BCAS3: variants seen among roughly 807,000 people sequenced by gnomAD.
BCAS3 encodes the protein BCAS3 microtubule associated cell migration factor, also known as BCAS4/BCAS3 fusion.
A neutral mutation model predicts 116.1 loss-of-function variants in BCAS3; 53 were observed. The ratio of observed to expected loss-of-function variants is 0.46; its 90% confidence interval spans 0.37 to 0.57. BCAS3 has a LOEUF of 0.57. BCAS3 is among the 20% of genes least tolerant of loss of function. The pLI is 0.00. For synonymous variants in BCAS3, 391 were observed against 408.2 expected (o/e 0.96, Z 0.51); for missense variants, 917 against 1,165.4 (o/e 0.79, Z 3.10).
intron 22 of BCAS3, among the ~76,000 whole-genome samples, chr17:61,164,256 G>A (rs2078349265): frequency 6.6e-6 from 1 of 151,976 alleles, no homozygotes; most frequent in South Asian, 2.1e-4. Context: ...TATGTTCAGG[G>A]TAGTTTTTTA....
At chr17:61,039,437 TC>T (rs1264966847) in intron 18 of BCAS3, among the ~76,000 whole-genome samples, 9 of 152,204 alleles carry the variant, frequency 5.9e-5, no homozygotes, top group African/African-American at 1.9e-4. Context: ...TTTTTTTTTT[TC>T]CTGAGATGGA....
chr17:60,817,226 T>A (rs1170174094), intron 7 of BCAS3, among the ~76,000 whole-genome samples: 5 of 152,180 alleles, frequency 3.3e-5, no homozygotes, highest in African/African-American at 1.2e-4. Flanking sequence ...TCCAGATAAG[T>A]CATTTAAGCT....
At chr17:61,321,385 C>CTG (rs1219108817) in intron 22 of BCAS3, among the ~76,000 whole-genome samples, 1 of 152,232 alleles carries the variant, frequency 6.6e-6, no homozygotes, top group East Asian at 1.9e-4. Context: ...ACCATTCATA[C>CTG]TGTGGCTTCT....
intron 6 of BCAS3, among the ~76,000 whole-genome samples, chr17:60,758,411 T>C (rs990359567): frequency 6.6e-6 from 1 of 152,182 alleles, no homozygotes; most frequent in Non-Finnish European, 1.5e-5. Flanking sequence ...GTTCTTTATT[T>C]TTTCTTTTAT....
At chr17:61,022,674 A>T (rs758770992) in intron 16 of BCAS3, among the ~76,000 whole-genome samples, 3 of 152,104 alleles carry the variant, frequency 2.0e-5, no homozygotes, top group Non-Finnish European at 4.4e-5. Context: ...TCCTAATGAA[A>T]AGTCACCCAG....
intron 19 of BCAS3, among the ~76,000 whole-genome samples, chr17:61,047,003 C>A (rs1325947791): frequency 1.3e-5 from 2 of 151,806 alleles, no homozygotes; most frequent in African/African-American, 4.8e-5. Flanking sequence ...TAAACAAGTT[C>A]TGTATATGTG....
intron 22 of BCAS3, among the ~76,000 whole-genome samples, chr17:61,089,222 T>C (rs2073328763): frequency 6.6e-6 from 1 of 152,106 alleles, no homozygotes; most frequent in Non-Finnish European, 1.5e-5. Context: ...ACACTTAAAA[T>C]CCCAAACTAG....
chr17:61,161,091 T>C lies in BCAS3; in HGVS notation c.2425+76527T>C, dbSNP rs534885753. Among the ~76,000 whole-genome samples the C allele has an allele frequency of 1.6e-4, 24 of 152,296 alleles. No individual in the cohort carries two copies. The East Asian group carries it at 4.6e-3, about 29-fold the overall frequency. ...TCTGCAGATGATGAAGGATAGCATG[T>C]CTGAAAAAAGCTAACATAAAAGTCT... On this transcript the variant is annotated intron_variant, in intron 22 of 23. Coordinates refer to ENST00000407086, the MANE Select transcript of BCAS3 (RefSeq NM_017679.5). This position sits in a 1 kb window ranked among gnomAD's most constrained non-coding sequence, Gnocchi z 4.8.
intron 22 of BCAS3, among the ~76,000 whole-genome samples, chr17:61,271,158 C>T (rs8080538): frequency 0.027 from 3,550 of 132,478 alleles, 173 homozygotes; most frequent in African/African-American, 0.093. Flanking sequence ...AATGGAGTCT[C>T]GCTCTGTTCC....
chr17:60,851,120 G>A (rs923760256), intron 7 of BCAS3, among the ~76,000 whole-genome samples: 7 of 152,170 alleles, frequency 4.6e-5, no homozygotes, highest in African/African-American at 9.7e-5. Context: ...CTTTTGCTCC[G>A]TGAAAGATTA....
rs919337129 is a variant in BCAS3, at chr17:61,344,299, C to G, written c.2426-24028C>G. The stretch of plus-strand genomic sequence containing the variant: ...AGCCAACCTCTTACCAGTTGCTTCT[C>G]TTTTGTCAGAGACATGGGCCTCTTC... On this transcript the variant is annotated intron_variant, in intron 22 of 23. Transcript: ENST00000407086. The surrounding 1 kb of genome is among the most constrained non-coding windows in gnomAD (Gnocchi z 4.1). 6.6e-6 allele frequency among the ~76,000 whole-genome samples: 1 copy of G among 152,094 alleles called. No individual in the cohort carries two copies. The highest frequency in any genetic ancestry group is 1.5e-5 in the Non-Finnish European group (1 of 68,016).
chr17:61,114,943 A>G (rs2075331578), intron 22 of BCAS3, among the ~76,000 whole-genome samples: 1 of 152,266 alleles, frequency 6.6e-6, no homozygotes, highest in Admixed American at 6.5e-5. Context: ...CCTCATATCT[A>G]CAACTATCTG....
Position 61,205,243 on chromosome 17 carries a change from T to C in BCAS3, c.2425+120679T>C, listed in dbSNP as rs530267892. 6.6e-5 allele frequency among the ~76,000 whole-genome samples: 10 copies of C among 152,170 alleles called. No homozygotes were observed. Among genetic ancestry groups the C allele is most frequent in the Non-Finnish European group, 1.3e-4 (9 of 68,028 alleles). On this transcript the variant is annotated intron_variant, in intron 22 of 23. Coordinates refer to ENST00000407086, the MANE Select transcript of BCAS3 (RefSeq NM_017679.5). The surrounding 1 kb of genome is among the most constrained non-coding windows in gnomAD (Gnocchi z 5.2). ...CAGAACAGACAGAATATATCCTAAA[T>C]TGGATACAGCCAGAGAATAGTTTAC...
chr17:60,851,321 C>G (rs1468265730), intron 7 of BCAS3: 1 of 322,454 alleles, frequency 3.1e-6, no homozygotes. Flanking sequence ...CCCAGCTTCG[C>G]AAAGGCTCTC....
In BCAS3 at chr17:61,243,350, T is replaced by C. The variant is rs2047680172; in HGVS notation, c.2426-124977T>C. On this transcript the variant is annotated intron_variant, in intron 22 of 23. Transcript: ENST00000407086. The surrounding 1 kb of genome is among the most constrained non-coding windows in gnomAD (Gnocchi z 5.6). ...GTAATATTCCATTGTGTCTATATAC[T>C]ATATTTTCTTTATCCATTCATTCAT... Among the ~76,000 whole-genome samples, 1 of 152,240 alleles carries C rather than the reference T, an allele frequency of 6.6e-6. No homozygotes were observed. Among genetic ancestry groups the C allele is most frequent in the East Asian group, 1.9e-4 (1 of 5,204 alleles).
intron 13 of BCAS3, among the ~76,000 whole-genome samples, chr17:60,927,619 C>T (rs1267790045): frequency 1.3e-5 from 2 of 152,086 alleles, no homozygotes; most frequent in African/African-American, 2.4e-5. Context: ...AATTTATTCA[C>T]TTTGAAATGG....
Position 61,381,656 on chromosome 17 carries a change from A to C in BCAS3, c.2594-10321A>C, listed in dbSNP as rs1270554497. 6.6e-6 allele frequency among the ~76,000 whole-genome samples: 1 copy of C among 151,942 alleles called. No individual in the cohort carries two copies. Among genetic ancestry groups the C allele is most frequent in the Non-Finnish European group, 1.5e-5 (1 of 67,988 alleles). ...CAGGTTTACCATCTGGAAACCGAAA[A>C]AGCTCTTCCTGTTTAGAGCCAGGTC... On this transcript the variant is annotated intron_variant, in intron 23 of 23. Coordinates refer to ENST00000407086, the MANE Select transcript of BCAS3 (RefSeq NM_017679.5). This position sits in a 1 kb window ranked among gnomAD's most constrained non-coding sequence, Gnocchi z 6.0.
chr17:61,142,766 C>T (rs1002671596), intron 22 of BCAS3, among the ~76,000 whole-genome samples: 2 of 152,002 alleles, frequency 1.3e-5, no homozygotes, highest in East Asian at 1.9e-4. Flanking sequence ...GTGGATGGGA[C>T]GGGATTGGCC....
intron 19 of BCAS3, among the ~76,000 whole-genome samples, chr17:61,046,145 A>T: frequency 1.0e-5 from 1 of 100,154 alleles, no homozygotes; most frequent in Admixed American, 1.5e-4. Context: ...CGCCAGTTTC[A>T]AGAGAATGCC....
Sources: gnomAD v4.1 joint callset for allele counts (sites outside exome capture counted in the v4.1 genomes callset) on GRCh38, gnomAD v4.1.1 for gene constraint, Gnocchi (gnomAD v3.1) non-coding constraint, MANE v1.5 for transcripts, NCBI Gene and HGNC (gene_info 2026-07-23, HGNC 2026-07-21) for gene names.